The following LHX4 variants were observed in gnomAD, a reference collection of about 807,000 sequenced individuals.
LHX4 encodes the protein LIM homeobox 4, also known as LIM/homeobox protein Lhx4.
LHX4 carries 16 observed loss-of-function variants against 39.2 expected under a neutral mutation model. That is an observed-to-expected ratio of 0.41 (90% CI 0.28 to 0.62). The LOEUF (loss-of-function observed/expected upper bound fraction) is 0.62, where lower values mean the gene tolerates loss of function less well. Ranked by LOEUF, LHX4 falls within the 20% of genes least tolerant of loss-of-function variation. LHX4 has a pLI of 0.33. For missense variants in LHX4, 439 were observed against 511.9 expected, an observed-to-expected ratio of 0.86 and a Z score of 1.37; for synonymous variants, 206 against 198.1, an observed-to-expected ratio of 1.04 and a Z score of -0.33.
chr1:180,260,452 C>G (rs1356216477), intron 2 of LHX4, among the ~76,000 whole-genome samples: 1 of 151,686 alleles, frequency 6.6e-6, no homozygotes, highest in Non-Finnish European at 1.5e-5. Flanking sequence ...AGCAGCCCAG[C>G]CAGGTGGTCG....
intron 5 of LHX4, chr1:180,273,720 G>A (rs1397099969): frequency 5.1e-6 from 1 of 194,962 alleles, no homozygotes; most frequent in Non-Finnish European, 1.1e-5. Flanking sequence ...AGATGTCTAA[G>A]AGTGGTCCTC....
chr1:180,252,452 C>T (rs1310672809), intron 2 of LHX4, among the ~76,000 whole-genome samples: 2 of 152,160 alleles, frequency 1.3e-5, no homozygotes, highest in East Asian at 1.9e-4. Context: ...CCCTTTTCCA[C>T]GCTCCTTGAA....
At chr1:180,238,675 T>G (rs1282084705) in intron 1 of LHX4, among the ~76,000 whole-genome samples, 1 of 152,252 alleles carries the variant, frequency 6.6e-6, no homozygotes, top group African/African-American at 2.4e-5. Flanking sequence ...TGATTATTAC[T>G]AGGTTGTGAA....
intron 2 of LHX4, among the ~76,000 whole-genome samples, chr1:180,249,870 T>TGTGA (rs112518790): frequency 0.46 from 68,980 of 151,244 alleles, 17,877 homozygotes; most frequent in African/African-American, 0.71. Context: ...GCTCCCTACG[T>TGTGA]GTGTGTGCGT....
At position 180,232,173 on chromosome 1, in the gene LHX4, G is replaced by T. The variant is rs1465207572; in HGVS notation, c.76+1568G>T. Among the ~76,000 whole-genome samples, 1 of 152,186 alleles carries T rather than the reference G, an allele frequency of 6.6e-6. No homozygotes were observed. The highest frequency in any genetic ancestry group is 1.5e-5 in the Non-Finnish European group (1 of 68,038). On this transcript the variant is annotated intron_variant, in intron 1 of 5. Coordinates refer to ENST00000263726, the MANE Select transcript of LHX4 (RefSeq NM_033343.4). The surrounding 1 kb of genome is among the most constrained non-coding windows in gnomAD (Gnocchi z 5.4). ...GGTGCACCGAGTCCTTAAGCTGCTT[G>T]TAGCTCTGCGCGAGTGAGGAGACTG...
intron 2 of LHX4, among the ~76,000 whole-genome samples, chr1:180,255,687 C>T (rs1647825972): frequency 1.3e-5 from 2 of 152,236 alleles, no homozygotes; most frequent in Non-Finnish European, 2.9e-5. Context: ...CCCCCAGGGA[C>T]CGAGGCTGTA....
At chr1:180,246,313 A>G (rs918871559) in intron 1 of LHX4, among the ~76,000 whole-genome samples, 5 of 152,242 alleles carry the variant, frequency 3.3e-5, no homozygotes, top group African/African-American at 7.2e-5. Flanking sequence ...TTCTCTCTAC[A>G]TAGGTTTAGA....
At chr1:180,240,692 A>C (rs1363978526) in intron 1 of LHX4, among the ~76,000 whole-genome samples, 1 of 152,206 alleles carries the variant, frequency 6.6e-6, no homozygotes, top group Non-Finnish European at 1.5e-5. Context: ...CAAATGCATG[A>C]TATTTATTAT....
At chr1:180,236,561 T>C (rs1664325865) in intron 1 of LHX4, among the ~76,000 whole-genome samples, 1 of 152,198 alleles carries the variant, frequency 6.6e-6, no homozygotes, top group African/African-American at 2.4e-5. Context: ...GTTCTTTCTA[T>C]TACCTTGTTA....
intron 2 of LHX4, among the ~76,000 whole-genome samples, chr1:180,259,478 C>A (rs909374065): frequency 2.0e-5 from 3 of 151,622 alleles, no homozygotes; most frequent in Non-Finnish European, 2.9e-5. Context: ...GGGGCTGGGG[C>A]CCCGGGTGTG....
intron 2 of LHX4, among the ~76,000 whole-genome samples, chr1:180,252,350 C>T (rs1164535927): frequency 6.6e-6 from 1 of 152,226 alleles, no homozygotes; most frequent in East Asian, 1.9e-4. Flanking sequence ...GTGAGAGGGA[C>T]AGCAGGTGCC....
In LHX4 at chr1:180,241,449, A is replaced by G. The variant is rs114496877; in HGVS notation, c.77-6836A>G. ...TTTATAGACATGCATCTTGTTGGCA[A>G]CTGGCTATGAGACAGTGAAGGAGAG... On this transcript the variant is annotated intron_variant, in intron 1 of 5. Coordinates refer to ENST00000263726, the MANE Select transcript of LHX4 (RefSeq NM_033343.4). Among the ~76,000 whole-genome samples the G allele has an allele frequency of 3.6e-3, 545 of 152,318 alleles. 2 individuals carry two copies. Among genetic ancestry groups the G allele is most frequent in the African/African-American group, 0.012 (505 of 41,564 alleles).
At chr1:180,229,792 C>T (rs114309408), upstream of LHX4, among the ~76,000 whole-genome samples, 3,787 of 151,528 alleles carry the variant, frequency 0.025, 90 homozygotes, top group African/African-American at 0.059. Context: ...CCCCTGGGTC[C>T]GAACGGAGGA....
chr1:180,231,109 C>T (rs911661641), intron 1 of LHX4, among the ~76,000 whole-genome samples: 1 of 151,974 alleles, frequency 6.6e-6, no homozygotes, highest in African/African-American at 2.4e-5. Context: ...GCGCCCCGGG[C>T]GTGCGTGCCG....
chr1:180,272,044 A>G (rs1017357453), intron 5 of LHX4, 38 bp downstream of exon 5: 6 of 1,581,516 alleles, frequency 3.8e-6, no homozygotes, highest in Non-Finnish European at 5.2e-6. Context: ...AGGCCTTAGG[A>G]AAGTCCCCTG....
rs1664160497 is a variant in LHX4, at chr1:180,230,894, T to TG, written c.76+293dup. ...TTGGAACGCTGGGGAGAGTGCTGTT[T>TG]GGGGACACCCAGGGGTACGAGCTGT... is the stretch of plus-strand genomic sequence containing the variant. On this transcript the variant is annotated intron_variant, in intron 1 of 5. Coordinates refer to ENST00000263726, the MANE Select transcript of LHX4 (RefSeq NM_033343.4). This position sits in a 1 kb window ranked among gnomAD's most constrained non-coding sequence, Gnocchi z 5.8. Among the ~76,000 whole-genome samples the TG allele has an allele frequency of 6.6e-6, 1 of 152,164 alleles. No homozygotes were observed.
chr1:180,267,752 G>C (rs916535135), intron 3 of LHX4, among the ~76,000 whole-genome samples: 5 of 152,194 alleles, frequency 3.3e-5, no homozygotes, highest in Non-Finnish European at 7.3e-5. Flanking sequence ...TCTCCTTCTA[G>C]ATCTTTTCTG....
intron 2 of LHX4, among the ~76,000 whole-genome samples, chr1:180,264,529 G>A (rs549619164): frequency 8.4e-4 from 128 of 152,302 alleles, no homozygotes; most frequent in Middle Eastern, 3.4e-3. Context: ...ATCCAGAGCC[G>A]ACTGTGTGCT....
chr1:180,231,306 C>T (rs1028323413), intron 1 of LHX4, among the ~76,000 whole-genome samples: 1 of 151,904 alleles, frequency 6.6e-6, no homozygotes, highest in African/African-American at 2.4e-5. Flanking sequence ...CTCAGGGTGG[C>T]TCGGGTTTGG....
Sources: allele counts gnomAD v4.1 joint callset (sites outside exome capture counted in the v4.1 genomes callset), GRCh38; gene constraint gnomAD v4.1.1; non-coding constraint Gnocchi (gnomAD v3.1); transcripts MANE v1.5; gene names NCBI Gene and HGNC (gene_info 2026-07-23, HGNC 2026-07-21).